The following DOP1B variants were observed in gnomAD, a reference collection of about 807,000 sequenced individuals.
DOP1B encodes DOP1 leucine zipper like protein B.
DOP1B carries 174 observed loss-of-function variants against 233.5 expected under a neutral mutation model. The ratio of observed to expected loss-of-function variants is 0.75; its 90% CI spans 0.66 to 0.85. The LOEUF is 0.85. Among genes scored for constraint, DOP1B ranks in the 40% least tolerant of loss-of-function variants. DOP1B has a pLI of 0.00. For missense variants in DOP1B, 2,652 were observed against 2,846.6 expected (o/e 0.93, Z 1.56); for synonymous variants, 1,190 against 1,185.6 (o/e 1.00, Z -0.08).
intron 17 of DOP1B, 124 bp downstream of exon 17, chr21:36,238,825 G>T (rs192369449): frequency 9.2e-5 from 83 of 899,574 alleles, no homozygotes; most frequent in Non-Finnish European, 2.1e-5. Context: ...CCATATGACC[G>T]GGTGTGGTGG....
intron 27 of DOP1B, among the ~76,000 whole-genome samples, chr21:36,275,634 A>G (rs1488906852): frequency 1.3e-5 from 2 of 151,516 alleles, no homozygotes; most frequent in Non-Finnish European, 2.9e-5. Flanking sequence ...AAAAAAAAAA[A>G]GAATTATGTT....
At chr21:36,202,155 C>T (rs1194958079) in intron 4 of DOP1B, among the ~76,000 whole-genome samples, 1 of 152,078 alleles carries the variant, frequency 6.6e-6, no homozygotes, top group Non-Finnish European at 1.5e-5. Flanking sequence ...CCACTGCACT[C>T]CAGCCTGGGT....
rs560455702 is a variant in DOP1B, at chr21:36,169,552, C to T, written c.138+4681C>T. 195 of 1,116,654 alleles carry T rather than the reference C, an allele frequency of 1.7e-4. No individual in the cohort carries two copies. In the African/African-American group the frequency reaches 2.2e-3, roughly 13 times the overall value. The allele number at this position is 1,116,654 out of a possible 1,614,324, so 69.2% of individuals were successfully genotyped here. A position where few individuals can be genotyped will look rare whatever the true frequency, so the allele number is the denominator to read the frequency against. ...TGTCGATCATCTCGTCCAGCCCAAA[C>T]GCTTGGTTCACAGGTACCTGCTGCT... is the stretch of plus-strand genomic sequence containing the variant. On this transcript the variant is annotated intron_variant, in intron 2 of 36. Coordinates refer to ENST00000691173, the MANE Select transcript of DOP1B (RefSeq NM_001320714.2).
At chr21:36,169,685 G>T (rs1284137537) in intron 2 of DOP1B, 39 of 891,890 alleles carry the variant, frequency 4.4e-5, no homozygotes, top group Non-Finnish European at 7.2e-5. Flanking sequence ...GCGCGTCTGG[G>T]TGTGGGCAGC....
rs566267662 is a variant in DOP1B at position 36,165,527 on chromosome 21, G to C, written c.138+656G>C. Among the ~76,000 whole-genome samples the C allele has an allele frequency of 2.6e-5, 4 of 152,150 alleles. No individual in the cohort carries two copies. In the South Asian group the frequency reaches 8.3e-4, roughly 32 times the overall value. On this transcript the variant is annotated intron_variant, in intron 2 of 36. Transcript: ENST00000691173. ...ATCAGGGGTCCCCAACCCCCAGGCCGCTGACCGGTACCAGTCCGTGGCCTA... is the reference window on the plus strand; with the variant it reads ...ATCAGGGGTCCCCAACCCCCAGGCCCCTGACCGGTACCAGTCCGTGGCCTA...
intron 11 of DOP1B, among the ~76,000 whole-genome samples, chr21:36,224,322 G>A (rs980343750): frequency 6.6e-6 from 1 of 151,866 alleles, no homozygotes. Context: ...TGCGACTACA[G>A]GTGCACGCCA....
In DOP1B at chr21:36,293,312, T is replaced by C; in HGVS notation, c.6646-8T>C. The stretch of plus-strand genomic sequence containing the variant: ...CATATCATTGTTATGGGTTTGTTTT[T>C]TCTGCAGGAAATCAGTAGCTCTGAT... On this transcript the variant is annotated splice_polypyrimidine_tract_variant and splice_region_variant and intron_variant, in intron 36 of 36. Transcript: ENST00000691173. 6.2e-7 allele frequency: 1 copy of C among 1,611,708 alleles called. No homozygotes were observed. Among genetic ancestry groups the C allele is most frequent in the Non-Finnish European group, 8.5e-7 (1 of 1,178,190 alleles).
chr21:36,275,143 C>G (rs1189582667), intron 27 of DOP1B, among the ~76,000 whole-genome samples: 2 of 152,054 alleles, frequency 1.3e-5, no homozygotes, highest in Admixed American at 6.6e-5. Context: ...CTGCACCCGG[C>G]CTGATTTGTT....
intron 9 of DOP1B, among the ~76,000 whole-genome samples, chr21:36,214,793 G>A (rs2066541537): frequency 6.6e-6 from 1 of 152,160 alleles, no homozygotes; most frequent in African/African-American, 2.4e-5. Context: ...GGGAGGTAGA[G>A]GAAGGAAGAT....
chr21:36,257,697 TAGAG>T lies in DOP1B; in HGVS notation c.5260-2976_5260-2973del, dbSNP rs1324321886. On this transcript the variant is annotated intron_variant, in intron 23 of 36. Transcript: ENST00000691173. ...AGGTAGGTAGATGTAGGTAGGTAGGTAGAGAGATGGATGTAGGTAGGTAGGTAGG... is the reference window on the plus strand; with the variant it reads ...AGGTAGGTAGATGTAGGTAGGTAGGTAGATGGATGTAGGTAGGTAGGTAGG... Among the ~76,000 whole-genome samples, 37 of 151,694 alleles carry T rather than the reference TAGAG, an allele frequency of 2.4e-4. 1 individual carries two copies. Among genetic ancestry groups the T allele is most frequent in the Non-Finnish European group, 1.3e-4 (9 of 67,928 alleles).
At position 36,267,625 on chromosome 21, in the gene DOP1B, C is replaced by CTTTTTTTTTTT. The variant is rs3029062; in HGVS notation, c.5488-2380_5488-2370dup. 2.6e-5 allele frequency among the ~76,000 whole-genome samples: 3 copies of CTTTTTTTTTTT among 116,932 alleles called. 1 individual carries two copies. The highest frequency in any genetic ancestry group is 3.5e-5 in the African/African-American group (1 of 28,898). The allele number at this position is 116,932 out of a possible 152,430, so 76.7% of individuals were successfully genotyped here. On this transcript the variant is annotated intron_variant, in intron 26 of 36. Coordinates refer to ENST00000691173, the MANE Select transcript of DOP1B (RefSeq NM_001320714.2). ...CCAGGAGGTCGAGGCTGCAGTGAGA[C>CTTTTTTTTTTT]TTTTTTTTTTTTTTTTTTGAGATGG...
chr21:36,222,998 ACCGCAC>A (rs1373043136), intron 10 of DOP1B, among the ~76,000 whole-genome samples: 1 of 152,222 alleles, frequency 6.6e-6, no homozygotes, highest in Non-Finnish European at 1.5e-5. Flanking sequence ...GGTGTGAGCC[ACCGCAC>A]CCAGCTCTGA....
chr21:36,285,593 C>T (rs1601483847), intron 32 of DOP1B, among the ~76,000 whole-genome samples: 1 of 152,088 alleles, frequency 6.6e-6, no homozygotes, highest in Admixed American at 6.6e-5. Context: ...TCTGCCAGAG[C>T]TGTGGGACAC....
In DOP1B at chr21:36,246,653, G is replaced by A. The variant is rs545449693; in HGVS notation, c.4673G>A (p.Ser1558Asn). The change falls in exon 19 of 37, where the codon AGC becomes AAC. Residue 1558 changes from serine to asparagine, a missense_variant. By Grantham distance (46) the Ser-to-Asn change is conservative (BLOSUM62 1). Around this residue, in one of 3 missense-constraint regions of DOP1B, gnomAD observed 2,617 missense variants for 2,794.3 expected, o/e 0.94. Coordinates refer to ENST00000691173, the MANE Select transcript of DOP1B (RefSeq NM_001320714.2). The surrounding 1 kb of genome is among the most constrained non-coding windows in gnomAD (Gnocchi z 5.1). ...GATGACTTGGTCAAGCAGTATGAAA[G>A]CGAATCTGTGAAGCTCTCTGTCAGG... The part of the protein sequence containing the change: ...NLDDLVKQYE[S>N]ESVKLSVSTT... 60 of 1,612,240 alleles carry A rather than the reference G, an allele frequency of 3.7e-5. 1 individual carries two copies. The South Asian group carries it at 5.2e-4, about 14-fold the overall frequency.
chr21:36,286,851 C>T lies in DOP1B; in HGVS notation c.6161-1163C>T, dbSNP rs139807588. 5.5e-3 allele frequency among the ~76,000 whole-genome samples: 839 copies of T among 152,042 alleles called. 6 individuals are homozygous for T. Among genetic ancestry groups the T allele is most frequent in the Non-Finnish European group, 9.6e-3 (650 of 67,996 alleles). ...TGGTGGCAGACACCTGTAATCCCAA[C>T]TACTCTGGAGGCTGAGGCAGGAGAA... is the stretch of plus-strand genomic sequence containing the variant. On this transcript the variant is annotated intron_variant, in intron 32 of 36. Transcript: ENST00000691173.
At chr21:36,235,867 G>GC (rs1555893490) in intron 15 of DOP1B, among the ~76,000 whole-genome samples, 66 of 147,834 alleles carry the variant, frequency 4.5e-4, no homozygotes, top group Middle Eastern at 3.2e-3. Context: ...GGAAGTCGGG[G>GC]GGGGGGCGGT....
chr21:36,263,507 T>C, intron 24 of DOP1B, 39 bp from the exon 25 acceptor site: 1 of 1,549,166 alleles, frequency 6.5e-7, no homozygotes, highest in Non-Finnish European at 8.9e-7. Flanking sequence ...TTTTGACTTG[T>C]TCGTGGTTGA....
rs918218469 is a variant in DOP1B at position 36,226,988 on chromosome 21, A to G, written c.1474-698A>G. Reference sequence around the variant, plus strand: ...TGGGAGGCCGAGGTGGGCGGATCACAAGGTCAGGAGATTGAGACCACCCTG... The same window carrying G: ...TGGGAGGCCGAGGTGGGCGGATCACGAGGTCAGGAGATTGAGACCACCCTG... On this transcript the variant is annotated intron_variant, in intron 12 of 36. Coordinates refer to ENST00000691173, the MANE Select transcript of DOP1B (RefSeq NM_001320714.2). 7.2e-5 allele frequency among the ~76,000 whole-genome samples: 11 copies of G among 151,804 alleles called. No homozygotes were observed. In the South Asian group the frequency reaches 1.2e-3, roughly 17 times the overall value.
rs757430929 is a variant in DOP1B, at chr21:36,214,463, C to CA, written c.1037dup (p.Lys347GlufsTer6). 1.9e-6 allele frequency: 3 copies of CA among 1,613,158 alleles called. No homozygotes were observed. Among genetic ancestry groups the CA allele is most frequent in the Non-Finnish European group, 2.5e-6 (3 of 1,179,810 alleles). On this transcript the variant is annotated frameshift_variant, in exon 9 of 37. Coordinates refer to ENST00000691173, the MANE Select transcript of DOP1B (RefSeq NM_001320714.2). LOFTEE classifies it high-confidence loss of function. Reference sequence around the variant, plus strand: ...ATAGGGTTTGGCTGAGATATTGCATCAGAAGTTCATAGATGCTGACGTGGA... The same window carrying CA: ...ATAGGGTTTGGCTGAGATATTGCATCAAGAAGTTCATAGATGCTGACGTGGA...
Sources: gnomAD v4.1 joint callset for allele counts (sites outside exome capture counted in the v4.1 genomes callset) on GRCh38, gnomAD v4.1.1 for gene constraint, gnomAD v4.1.1 regional missense constraint, Gnocchi (gnomAD v3.1) non-coding constraint, MANE v1.5 for transcripts, NCBI Gene and HGNC (gene_info 2026-07-23, HGNC 2026-07-21) for gene names.